The following SMARCA2 variants were observed in gnomAD, a reference collection of about 807,000 sequenced individuals.
SMARCA2 encodes SWI/SNF related BAF chromatin remodeling complex subunit ATPase 2.
A neutral mutation model predicts 199.8 loss-of-function variants in SMARCA2; 61 were observed. That is an observed-to-expected ratio of 0.31 (90% CI 0.25 to 0.38). The LOEUF is 0.38. SMARCA2 is among the 10% of genes least tolerant of loss of function. The pLI is 1.00. For synonymous variants in SMARCA2, 935 were observed against 732.0 expected, an observed-to-expected ratio of 1.28 and a Z score of -4.48; for missense variants, 1,344 against 2,012.2, an observed-to-expected ratio of 0.67 and a Z score of 6.35.
At position 2,160,777 on chromosome 9, in the gene SMARCA2, T is replaced by A. The variant is rs544180265; in HGVS notation, c.3982-909T>A. The A allele has an allele frequency of 4.2e-5, 17 of 408,936 alleles. No homozygotes were observed. The South Asian group carries it at 1.6e-3, about 40-fold the overall frequency. The allele number at this position is 408,936 out of a possible 1,614,324, so 25.3% of individuals were successfully genotyped here. On this transcript the variant is annotated intron_variant, in intron 27 of 33. Coordinates refer to ENST00000349721, the MANE Select transcript of SMARCA2 (RefSeq NM_003070.5). Reference sequence around the variant, plus strand: ...AAACGTAATTTAAAGATCTTTTTTTTAGAAAATTTCTTTTCTATGTTCAAA... The same window carrying A: ...AAACGTAATTTAAAGATCTTTTTTTAAGAAAATTTCTTTTCTATGTTCAAA...
Position 2,147,896 on chromosome 9 carries a change from C to T in SMARCA2, c.3982-13790C>T, listed in dbSNP as rs1228355532. ...CCAGGCTGTAGTGCAGTGGCATGAT[C>T]ACAGCTCATTGCAGCCTCCCTCAAA... On this transcript the variant is annotated intron_variant, in intron 27 of 33. Transcript: ENST00000349721. 2.0e-5 allele frequency among the ~76,000 whole-genome samples: 3 copies of T among 151,138 alleles called. No individual in the cohort carries two copies. In the South Asian group the frequency reaches 6.3e-4, roughly 32 times the overall value.
intron 4 of SMARCA2, chr9:2,045,826 G>GACACACACACACACACACAC (rs60571405): frequency 1.6e-4 from 23 of 146,040 alleles, no homozygotes; most frequent in African/African-American, 4.3e-4. Flanking sequence ...TAACATCACA[G>GACACACACACACACACACAC]ACACACACAC....
intron 4 of SMARCA2, chr9:2,045,847 A>ACG (rs1318751464): frequency 6.6e-6 from 1 of 151,886 alleles, no homozygotes; most frequent in East Asian, 1.9e-4. Context: ...ACACACACAC[A>ACG]CACACACACA....
chr9:2,131,628 C>T (rs1823954553), intron 27 of SMARCA2, among the ~76,000 whole-genome samples: 1 of 152,170 alleles, frequency 6.6e-6, no homozygotes, highest in Non-Finnish European at 1.5e-5. Flanking sequence ...ATCATCATGT[C>T]TGCTGACTAC....
chr9:2,114,487 C>G (rs1409447531), intron 24 of SMARCA2, among the ~76,000 whole-genome samples: 1 of 152,164 alleles, frequency 6.6e-6, no homozygotes, highest in Non-Finnish European at 1.5e-5. Context: ...CAGCTCTCTG[C>G]AAATTATGGT....
chr9:2,061,964 G>A (rs943829671), intron 9 of SMARCA2, among the ~76,000 whole-genome samples: 1 of 152,202 alleles, frequency 6.6e-6, no homozygotes, highest in South Asian at 2.1e-4. Flanking sequence ...GATGACTCAG[G>A]GCTTGTGTTT....
In SMARCA2 at chr9:2,076,246, C is replaced by A; in HGVS notation, c.1953C>A (p.Ser651=). The A allele has an allele frequency of 6.2e-7, 1 of 1,603,840 alleles. No individual in the cohort carries two copies. Among genetic ancestry groups the A allele is most frequent in the Non-Finnish European group, 8.5e-7 (1 of 1,170,790 alleles). The part of the protein sequence containing the change: ...DYEEEDEEEE[S]SRQETEEKIL... ...TTTTCCAGGATGAGGAAGAAGAGTC[C>A]AGTAGGCAGGAAACCGAAGAGAAAA... The change falls in exon 13 of 34, where the codon TCC becomes TCA. Residue 651 remains serine, a synonymous_variant. Coordinates refer to ENST00000349721, the MANE Select transcript of SMARCA2 (RefSeq NM_003070.5).
At position 2,170,005 on chromosome 9, in the gene SMARCA2, T is replaced by A. The variant is rs1826159659; in HGVS notation, c.4200-414T>A. 6.6e-6 allele frequency among the ~76,000 whole-genome samples: 1 copy of A among 152,196 alleles called. No individual in the cohort carries two copies. Among genetic ancestry groups the A allele is most frequent in the African/African-American group, 2.4e-5 (1 of 41,430 alleles). On this transcript the variant is annotated intron_variant, in intron 28 of 33. Transcript: ENST00000349721. The surrounding 1 kb of genome is among the most constrained non-coding windows in gnomAD (Gnocchi z 4.7). ...AAAGCACTTTATCCTATTTAATTTTTATAACTTTCTGAGGTAAGTATTTCC... is the reference window on the plus strand; with the variant it reads ...AAAGCACTTTATCCTATTTAATTTTAATAACTTTCTGAGGTAAGTATTTCC...
At chr9:2,160,189 A>ATATT (rs1231072312) in intron 27 of SMARCA2, 1 of 416,484 alleles carries the variant, frequency 2.4e-6, no homozygotes. Context: ...AGGCAAATGA[A>ATATT]TATTAATGCA....
At chr9:2,133,981 T>C (rs1368427741) in intron 27 of SMARCA2, among the ~76,000 whole-genome samples, 1 of 152,150 alleles carries the variant, frequency 6.6e-6, no homozygotes, top group African/African-American at 2.4e-5. Flanking sequence ...TGCTTTCCTC[T>C]CAGGGAAAAT....
chr9:2,165,547 GC>G (rs1216761266), intron 28 of SMARCA2, among the ~76,000 whole-genome samples: 1 of 152,114 alleles, frequency 6.6e-6, no homozygotes, highest in Non-Finnish European at 1.5e-5. Flanking sequence ...CATTTTATTT[GC>G]ACAAATAGAA....
At chr9:2,187,472 G>A (rs1827550931) in intron 32 of SMARCA2, among the ~76,000 whole-genome samples, 1 of 152,114 alleles carries the variant, frequency 6.6e-6, no homozygotes, top group South Asian at 2.1e-4. Flanking sequence ...AGGAGTTCAA[G>A]ACCAGCCTGG....
chr9:2,045,834 C>CAT (rs1167230562), intron 4 of SMARCA2: 1 of 142,758 alleles, frequency 7.0e-6, no homozygotes. Flanking sequence ...CAGACACACA[C>CAT]ACACACACAC....
chr9:2,020,961 T>G (rs555296001), intron 1 of SMARCA2, among the ~76,000 whole-genome samples: 1 of 152,368 alleles, frequency 6.6e-6, no homozygotes, highest in African/African-American at 2.4e-5. Context: ...ATTATATAAT[T>G]GAAGCCTAGT....
chr9:2,173,364 G>T (rs188168652), intron 29 of SMARCA2, among the ~76,000 whole-genome samples: 2 of 152,302 alleles, frequency 1.3e-5, no homozygotes, highest in Admixed American at 6.5e-5. Flanking sequence ...TTTATTTTTA[G>T]TACCAGACAT....
At chr9:2,125,489 C>CTTTTT (rs60942071) in intron 27 of SMARCA2, among the ~76,000 whole-genome samples, 1 of 129,824 alleles carries the variant, frequency 7.7e-6, no homozygotes, top group Non-Finnish European at 1.6e-5. Context: ...CTGGGCCAAC[C>CTTTTT]TTTTTTTTTT....
At chr9:2,111,359 C>T (rs933540603) in intron 24 of SMARCA2, among the ~76,000 whole-genome samples, 2 of 151,724 alleles carry the variant, frequency 1.3e-5, no homozygotes, top group Non-Finnish European at 2.9e-5. Context: ...CACAGTGGCA[C>T]TTATACCTGT....
chr9:2,097,072 C>T (rs1036485934), intron 20 of SMARCA2: 3 of 492,712 alleles, frequency 6.1e-6, no homozygotes, highest in Non-Finnish European at 1.1e-5. Context: ...AGTTTCACTC[C>T]CTGGGCATCT....
intron 31 of SMARCA2, among the ~76,000 whole-genome samples, chr9:2,184,801 C>G (rs1827317252): frequency 6.6e-6 from 1 of 152,076 alleles, no homozygotes; most frequent in African/African-American, 2.4e-5. Context: ...TCTTTAAGAT[C>G]CAGCTCAACT....
Sources: gnomAD v4.1 joint callset for allele counts (sites outside exome capture counted in the v4.1 genomes callset) on GRCh38, gnomAD v4.1.1 for gene constraint, Gnocchi (gnomAD v3.1) non-coding constraint, MANE v1.5 for transcripts, NCBI Gene and HGNC (gene_info 2026-07-23, HGNC 2026-07-21) for gene names.